MCMDC2: variants seen among roughly 807,000 people sequenced by gnomAD.
The protein encoded by MCMDC2 is minichromosome maintenance domain-containing protein 2.
Under a neutral mutation model 75.8 loss-of-function variants are expected in MCMDC2, and 54 were observed. That is an observed-to-expected ratio of 0.71 (90% CI 0.57 to 0.89). MCMDC2 has a LOEUF of 0.89. Ranked by LOEUF, MCMDC2 falls within the 40% of genes least tolerant of loss-of-function variation. MCMDC2 has a pLI of 0.00. For missense variants in MCMDC2, 656 were observed against 780.4 expected, an observed-to-expected ratio of 0.84 and a Z score of 1.90; for synonymous variants, 249 against 274.6, an observed-to-expected ratio of 0.91 and a Z score of 0.92.
At chr8:66,926,017 C>T (rs972738069), downstream of MCMDC2, among the ~76,000 whole-genome samples, 1 of 151,998 alleles carries the variant, frequency 6.6e-6, no homozygotes, top group African/African-American at 2.4e-5. Context: ...ATTGTGGTGA[C>T]GCGTGCCTGT....
chr8:66,900,114 G>A (rs899254270), intron 12 of MCMDC2, among the ~76,000 whole-genome samples: 55 of 151,514 alleles, frequency 3.6e-4, no homozygotes, highest in Admixed American at 3.3e-4. Flanking sequence ...CAGCCTGGGC[G>A]ATAGAGCAAG....
intron 14 of MCMDC2, among the ~76,000 whole-genome samples, chr8:66,910,582 G>A (rs1813068101): frequency 6.6e-6 from 1 of 152,196 alleles, no homozygotes; most frequent in Admixed American, 6.5e-5. Flanking sequence ...GGCTGAGGCG[G>A]GTGGATCACC....
In MCMDC2 at chr8:66,877,374, A is replaced by G. The variant is rs201692884; in HGVS notation, c.311A>G (p.His104Arg). Residue 104 changes from histidine to arginine, a missense_variant, in exon 5 of 15, where the codon CAT (histidine) becomes CGT (arginine). Physicochemically the swap from His to Arg is conservative, Grantham distance 29. Transcript: ENST00000422365. ...ATTAATATAGTGCTGAAATTAACAC[A>G]TTTACCTCCCCTGCCAAGTTATGGT... ...TQINIVLKLT[H>R]LPPLPSYGLD... is the part of the protein sequence containing the mutation. The G allele has an allele frequency of 1.2e-6, 2 of 1,611,462 alleles. No individual in the cohort carries two copies. The highest frequency in any genetic ancestry group is 1.7e-6 in the Non-Finnish European group (2 of 1,178,786).
chr8:66,918,792 G>C (rs1200681248), intron 14 of MCMDC2, among the ~76,000 whole-genome samples: 1 of 152,064 alleles, frequency 6.6e-6, no homozygotes, highest in Non-Finnish European at 1.5e-5. Context: ...CTGGGTTTCA[G>C]AAAACAAGAG....
chr8:66,902,859 C>T (rs2130851309), intron 13 of MCMDC2, among the ~76,000 whole-genome samples: 1 of 151,386 alleles, frequency 6.6e-6, no homozygotes, highest in South Asian at 2.1e-4. Flanking sequence ...GTAGTGCACA[C>T]CTGTAATCCC....
intron 4 of MCMDC2, among the ~76,000 whole-genome samples, chr8:66,875,665 C>A (rs990541672): frequency 8.5e-5 from 13 of 152,200 alleles, no homozygotes; most frequent in African/African-American, 2.9e-4. Context: ...ATCCAGTTTA[C>A]ATTTAAATTT....
rs1585837479 is a variant in MCMDC2, at chr8:66,870,788, A to G, written c.-132A>G. ...TGCGCGCTAGGACTCCGCTCCGCCT[A>G]CGCTGCAGGCGGAGAGCAACCGCCA... On this transcript the variant is annotated 5_prime_UTR_variant, in exon 1 of 15. Coordinates refer to ENST00000422365, the MANE Select transcript of MCMDC2 (RefSeq NM_173518.5). 1 of 152,232 alleles carries G rather than the reference A, an allele frequency of 6.6e-6. No homozygotes were observed. Among genetic ancestry groups the G allele is most frequent in the South Asian group, 2.1e-4 (1 of 4,830 alleles). The allele number at this position is 152,232 out of a possible 1,614,324, so 9.4% of individuals were successfully genotyped here. A position where few individuals can be genotyped will look rare whatever the true frequency, so the allele number is the denominator to read the frequency against.
At chr8:66,889,015 G>T (rs529691224) in intron 9 of MCMDC2, among the ~76,000 whole-genome samples, 1 of 151,600 alleles carries the variant, frequency 6.6e-6, no homozygotes, top group Non-Finnish European at 1.5e-5. Flanking sequence ...TCTAAATATC[G>T]CTCTCTCTCT....
chr8:66,879,110 A>G (rs186065742), intron 7 of MCMDC2, among the ~76,000 whole-genome samples, 191 bp downstream of exon 7: 68 of 152,190 alleles, frequency 4.5e-4, no homozygotes, highest in African/African-American at 1.6e-3. Context: ...TAAAAAATAA[A>G]AAATTAGCTA....
intron 9 of MCMDC2, among the ~76,000 whole-genome samples, chr8:66,889,153 C>T (rs1811982599): frequency 6.6e-6 from 1 of 152,132 alleles, no homozygotes; most frequent in African/African-American, 2.4e-5. Flanking sequence ...TTTGTATCAC[C>T]CCCTTTTGTG....
chr8:66,902,711 A>AAAAAAAAAAAAAATATATATAT (rs1467425752), intron 13 of MCMDC2, among the ~76,000 whole-genome samples: 4 of 67,930 alleles, frequency 5.9e-5, no homozygotes, highest in African/African-American at 2.2e-4. Context: ...AAAAAAAAAA[A>AAAAAAAAAAAAAATATATATAT]ATATATATAT....
At chr8:66,894,921 A>G (rs922508623) in intron 10 of MCMDC2, among the ~76,000 whole-genome samples, 1 of 151,808 alleles carries the variant, frequency 6.6e-6, no homozygotes, top group Non-Finnish European at 1.5e-5. Context: ...CCCGTCACCT[A>G]CTCCCTCACA....
At chr8:66,879,904 GAAAA>G (rs1356503459) in intron 7 of MCMDC2, among the ~76,000 whole-genome samples, 1 of 151,614 alleles carries the variant, frequency 6.6e-6, no homozygotes, top group African/African-American at 2.4e-5. Context: ...AGAGAAAAGA[GAAAA>G]AAAGGAAGAC....
Position 66,901,086 on chromosome 8 carries a change from C to T in MCMDC2, c.1627-120C>T, listed in dbSNP as rs147490534. 402 of 704,342 alleles carry T rather than the reference C, an allele frequency of 5.7e-4. 4 individuals are homozygous for T. The African/African-American group carries it at 6.7e-3, about 12-fold the overall frequency. 43.6% of individuals were successfully genotyped at this position (704,342 alleles called of 1,614,324 possible). A position where few individuals can be genotyped will look rare whatever the true frequency, so the allele number is the denominator to read the frequency against. Reference sequence around the variant, plus strand: ...ACTTCAAGATGGCCCCAGACATTTACTCTTTTTTATGTAATAAAATATGCA... The same window carrying T: ...ACTTCAAGATGGCCCCAGACATTTATTCTTTTTTATGTAATAAAATATGCA... On this transcript the variant is annotated intron_variant, in intron 12 of 14. Transcript: ENST00000422365.
intron 9 of MCMDC2, among the ~76,000 whole-genome samples, chr8:66,889,406 G>A (rs1811993089): frequency 6.6e-6 from 1 of 152,122 alleles, no homozygotes; most frequent in South Asian, 2.1e-4. Flanking sequence ...GAGCAGGCAG[G>A]ATTGCATGAG....
intron 7 of MCMDC2, among the ~76,000 whole-genome samples, chr8:66,879,996 ACTT>A: frequency 6.6e-6 from 1 of 152,124 alleles, no homozygotes. Flanking sequence ...CAACCAACCA[ACTT>A]CTAACTGTGG....
rs1811523901 is a variant in MCMDC2 at position 66,880,846 on chromosome 8, T to C, written c.710-3T>C. The C allele has an allele frequency of 6.5e-7, 1 of 1,527,836 alleles. No individual in the cohort carries two copies. The highest frequency in any genetic ancestry group is 8.8e-7 in the Non-Finnish European group (1 of 1,138,950). The allele number at this position is 1,527,836 out of a possible 1,614,324, so 94.6% of individuals were successfully genotyped here. On this transcript the variant is annotated splice_region_variant and splice_polypyrimidine_tract_variant and intron_variant, in intron 7 of 14. Coordinates refer to ENST00000422365, the MANE Select transcript of MCMDC2 (RefSeq NM_173518.5). The stretch of plus-strand genomic sequence containing the variant: ...TATTTTCTTCTGTCTTTAATAATTT[T>C]AGATGAATCAGTGAATAAAATGAAT...
Position 66,881,110 on chromosome 8 carries a change from G to A in MCMDC2, c.835+136G>A, listed in dbSNP as rs905243439. 9 of 655,898 alleles carry A rather than the reference G, an allele frequency of 1.4e-5. No individual in the cohort carries two copies. The South Asian group carries it at 2.0e-4, about 15-fold the overall frequency. 40.6% of individuals were successfully genotyped at this position (655,898 alleles called of 1,614,324 possible). On this transcript the variant is annotated intron_variant, in intron 8 of 14. Transcript: ENST00000422365. ...ATACAGTTGTAAACAGGACAGTCAA[G>A]GTTTCTGTTCTTAAGTCACATGGCA...
chr8:66,893,740 C>T (rs1812219806), intron 10 of MCMDC2, among the ~76,000 whole-genome samples: 2 of 152,124 alleles, frequency 1.3e-5, no homozygotes, highest in South Asian at 4.1e-4. Flanking sequence ...ACTAGACCCA[C>T]ATTTTATGGT....
Sources: gnomAD v4.1 joint callset for allele counts (sites outside exome capture counted in the v4.1 genomes callset) on GRCh38, gnomAD v4.1.1 for gene constraint, MANE v1.5 for transcripts, NCBI Gene and HGNC (gene_info 2026-07-23, HGNC 2026-07-21) for gene names.